LPAR1: variants seen among roughly 807,000 people sequenced by gnomAD.
The protein encoded by LPAR1 is lysophosphatidic acid receptor 1, also known as LPA receptor 1.
In LPAR1, 5 loss-of-function variants were observed where a neutral mutation model predicts 23.8. The observed-to-expected ratio is 0.21, with a 90% CI of 0.11 to 0.44. The LOEUF (loss-of-function observed/expected upper bound fraction) is 0.44. Ranked by LOEUF, LPAR1 falls within the 20% of genes least tolerant of loss-of-function variation. The pLI, the probability that LPAR1 is intolerant of heterozygous loss-of-function variation, is 0.99. For synonymous variants in LPAR1, 160 were observed against 164.7 expected, an observed-to-expected ratio of 0.97 and a Z score of 0.22; for missense variants, 311 against 482.8, an observed-to-expected ratio of 0.64 and a Z score of 3.33.
At chr9:111,028,127 T>C (rs2097730500) in intron 2 of LPAR1, among the ~76,000 whole-genome samples, 1 of 150,718 alleles carries the variant, frequency 6.6e-6, no homozygotes. Flanking sequence ...CAAAATGGAA[T>C]AAGAATTTTT....
chr9:110,926,020 G>A (rs1302515303), intron 5 of LPAR1, among the ~76,000 whole-genome samples: 2 of 152,054 alleles, frequency 1.3e-5, no homozygotes, highest in Non-Finnish European at 2.9e-5. Flanking sequence ...TCCCGGGTTC[G>A]CGCCATTCTC....
In LPAR1 at chr9:110,874,680, A is replaced by G. The variant is rs1588081647; in HGVS notation, c.*741T>C. 1 of 152,164 alleles carries G rather than the reference A, an allele frequency of 6.6e-6. No homozygotes were observed. The highest frequency in any genetic ancestry group is 1.9e-4 in the East Asian group (1 of 5,204). 9.4% of individuals were successfully genotyped at this position (152,164 alleles called of 1,614,324 possible). On this transcript the variant is annotated 3_prime_UTR_variant, in exon 6 of 6. Coordinates refer to ENST00000683809, the MANE Select transcript of LPAR1 (RefSeq NM_001351411.2). ...TTGGAATACATATCACTTTGGTAAT[A>G]AACTTACATTCCCTGTTTTATACTT...
At chr9:110,933,429 G>GCTTTCC (rs1203787602) in intron 5 of LPAR1, among the ~76,000 whole-genome samples, 1 of 152,170 alleles carries the variant, frequency 6.6e-6, no homozygotes, top group Non-Finnish European at 1.5e-5. Context: ...ACATGTATGT[G>GCTTTCC]CTTTACATAA....
At chr9:110,875,868 C>G in intron 5 of LPAR1, 146 bp from the exon 6 acceptor site, 2 of 466,688 alleles carry the variant, frequency 4.3e-6, no homozygotes, top group Non-Finnish European at 7.4e-6. Context: ...ATGAAATACT[C>G]ATTTCCTGAG....
chr9:110,973,450 C>A (rs1462556052), intron 3 of LPAR1, 31 bp downstream of exon 3: 1 of 152,136 alleles, frequency 6.6e-6, no homozygotes, highest in African/African-American at 2.4e-5. Flanking sequence ...AACTTAGTTA[C>A]CGCTTTTAAG....
At chr9:111,022,153 G>A (rs1487890401) in intron 2 of LPAR1, among the ~76,000 whole-genome samples, 1 of 152,050 alleles carries the variant, frequency 6.6e-6, no homozygotes, top group Non-Finnish European at 1.5e-5. Flanking sequence ...TGAGCTTGTT[G>A]GACTAGGTTA....
intron 5 of LPAR1, among the ~76,000 whole-genome samples, chr9:110,936,586 A>G (rs1307307839): frequency 6.6e-6 from 1 of 152,236 alleles, no homozygotes; most frequent in Non-Finnish European, 1.5e-5. Flanking sequence ...ACAACACAGG[A>G]AGAGTAGGGC....
intron 2 of LPAR1, among the ~76,000 whole-genome samples, chr9:111,035,357 G>C (rs904740259): frequency 5.9e-5 from 9 of 151,748 alleles, no homozygotes; most frequent in South Asian, 2.1e-4. Context: ...AAGTAGCTGA[G>C]ACTACACGCA....
chr9:110,925,340 C>T (rs563865116), intron 5 of LPAR1, among the ~76,000 whole-genome samples: 1 of 151,984 alleles, frequency 6.6e-6, no homozygotes, highest in South Asian at 2.1e-4. Context: ...GATGCTTGAG[C>T]AGATGCTGAA....
Position 110,873,908 on chromosome 9 carries a change from G to C in LPAR1, c.*1513C>G, listed in dbSNP as rs1469998849. On this transcript the variant is annotated 3_prime_UTR_variant, in exon 6 of 6. Transcript: ENST00000683809. ...AAGTTTGGAATTGCGAGATATATTG[G>C]GGTACCTTGATTCTTGAGACAGTTG... 2 of 152,442 alleles carry C rather than the reference G, an allele frequency of 1.3e-5. No homozygotes were observed. Among genetic ancestry groups the C allele is most frequent in the Admixed American group, 6.5e-5 (1 of 15,272 alleles). The allele number at this position is 152,442 out of a possible 1,614,324, so 9.4% of individuals were successfully genotyped here. A position where few individuals can be genotyped will look rare whatever the true frequency, so the allele number is the denominator to read the frequency against.
At chr9:110,959,790 T>C (rs2095891981) in intron 4 of LPAR1, among the ~76,000 whole-genome samples, 1 of 152,100 alleles carries the variant, frequency 6.6e-6, no homozygotes, top group African/African-American at 2.4e-5. Flanking sequence ...GTGGTATATA[T>C]ACACAATGGG....
intron 2 of LPAR1, among the ~76,000 whole-genome samples, chr9:111,004,083 C>G (rs1220379315): frequency 6.6e-6 from 1 of 152,184 alleles, no homozygotes; most frequent in Non-Finnish European, 1.5e-5. Flanking sequence ...ACCCAGTACA[C>G]AGCTGCCATA....
At chr9:110,907,720 C>G (rs1434376317) in intron 5 of LPAR1, among the ~76,000 whole-genome samples, 1 of 152,024 alleles carries the variant, frequency 6.6e-6, no homozygotes, top group Admixed American at 6.6e-5. Flanking sequence ...TATATCTGTA[C>G]TAATCATATG....
rs375172467 is a variant in LPAR1, at chr9:110,916,051, T to C, written c.793+25370A>G. ...GTTAAATTTAAAGGATAAGGGAAAC[T>C]TGAGTATGATATCAATTATATAATA... is the stretch of plus-strand genomic sequence containing the variant. On this transcript the variant is annotated intron_variant, in intron 5 of 5. Transcript: ENST00000683809. Among the ~76,000 whole-genome samples, 41 of 152,324 alleles carry C rather than the reference T, an allele frequency of 2.7e-4. No homozygotes were observed. In the South Asian group the frequency reaches 5.0e-3, roughly 18 times the overall value.
At chr9:110,955,392 T>C (rs2095704014) in intron 4 of LPAR1, among the ~76,000 whole-genome samples, 1 of 152,172 alleles carries the variant, frequency 6.6e-6, no homozygotes, top group African/African-American at 2.4e-5. Flanking sequence ...GTAACAATTC[T>C]AAACATATAC....
chr9:110,881,630 A>G (rs1353281266), intron 5 of LPAR1, among the ~76,000 whole-genome samples: 3 of 152,306 alleles, frequency 2.0e-5, no homozygotes, highest in African/African-American at 7.2e-5. Flanking sequence ...TGCCATTCTT[A>G]CAGACCATTC....
chr9:110,898,533 C>T (rs745788943), intron 5 of LPAR1, among the ~76,000 whole-genome samples: 4 of 152,056 alleles, frequency 2.6e-5, no homozygotes, highest in Admixed American at 2.0e-4. Flanking sequence ...GTGGGAGAAC[C>T]GGATTTAAAA....
intron 4 of LPAR1, among the ~76,000 whole-genome samples, chr9:110,962,144 A>G (rs1264075155): frequency 6.6e-6 from 1 of 152,126 alleles, no homozygotes; most frequent in East Asian, 1.9e-4. Flanking sequence ...GGAATGATCT[A>G]TGGTTAAGTC....
chr9:111,037,978 C>T (rs1477713234), intron 1 of LPAR1, 189 bp downstream of exon 1: 1 of 152,136 alleles, frequency 6.6e-6, no homozygotes, highest in Admixed American at 6.6e-5. Flanking sequence ...CGGCCACCCA[C>T]CCGCGCCGCG....
Sources: gnomAD v4.1 joint callset for allele counts (sites outside exome capture counted in the v4.1 genomes callset) on GRCh38, gnomAD v4.1.1 for gene constraint, MANE v1.5 for transcripts, NCBI Gene and HGNC (gene_info 2026-07-23, HGNC 2026-07-21) for gene names.